Variants in TMCC1 observed in about 807,000 individuals in gnomAD.
The protein encoded by TMCC1 is transmembrane and coiled-coil domain family 1.
In TMCC1, 15 loss-of-function variants were observed where a neutral mutation model predicts 52.4. That is an observed-to-expected ratio of 0.29 (90% confidence interval 0.19 to 0.44). The LOEUF (loss-of-function observed/expected upper bound fraction) is 0.44. TMCC1 is among the 20% of genes least tolerant of loss of function. The pLI, the probability that TMCC1 is intolerant of heterozygous loss-of-function variation, is 1.00. For synonymous variants in TMCC1, 279 were observed against 301.9 expected (o/e 0.92, Z 0.79); for missense variants, 503 against 806.0 (o/e 0.62, Z 4.55).
intron 2 of TMCC1, among the ~76,000 whole-genome samples, chr3:129,844,979 C>A (rs978136179): frequency 6.6e-6 from 1 of 152,064 alleles, no homozygotes; most frequent in African/African-American, 2.4e-5. Flanking sequence ...TGAATCCTAG[C>A]CTATTAAGAA....
intron 4 of TMCC1, among the ~76,000 whole-genome samples, chr3:129,679,248 C>G (rs568785249): frequency 6.6e-6 from 1 of 152,310 alleles, no homozygotes; most frequent in Admixed American, 6.5e-5. Flanking sequence ...CCGTCACCTC[C>G]TTTAAGTCTT....
intron 4 of TMCC1, among the ~76,000 whole-genome samples, chr3:129,761,924 G>A (rs2053630541): frequency 6.7e-6 from 1 of 148,600 alleles, no homozygotes; most frequent in African/African-American, 2.5e-5. Flanking sequence ...CTGGGAGGCA[G>A]AGGTTGCAGT....
intron 4 of TMCC1, among the ~76,000 whole-genome samples, chr3:129,825,806 G>C (rs1421369989): frequency 6.6e-6 from 1 of 152,038 alleles, no homozygotes; most frequent in Non-Finnish European, 1.5e-5. Flanking sequence ...GCAGCCAAGG[G>C]GCATGAGAAA....
chr3:129,808,723 A>AT (rs2057612867), intron 4 of TMCC1, among the ~76,000 whole-genome samples: 1 of 151,196 alleles, frequency 6.6e-6, no homozygotes, highest in African/African-American at 2.4e-5. Flanking sequence ...TATAACTAAA[A>AT]TTTTAATAAG....
In TMCC1 at chr3:129,875,267, C is replaced by T. The variant is rs371062589; in HGVS notation, c.-184+5042G>A. 4.6e-5 allele frequency among the ~76,000 whole-genome samples: 7 copies of T among 151,670 alleles called. No individual in the cohort carries two copies. In the East Asian group the frequency reaches 1.4e-3, roughly 29 times the overall value. On this transcript the variant is annotated intron_variant, in intron 2 of 6. Coordinates refer to ENST00000393238, the MANE Select transcript of TMCC1 (RefSeq NM_001017395.5). Reference sequence around the variant, plus strand: ...ACTGTGGGAGGCTGAGGCAGGTGATCACCTAAGGTCAGGAGTTCGAAACCA... The same window carrying T: ...ACTGTGGGAGGCTGAGGCAGGTGATTACCTAAGGTCAGGAGTTCGAAACCA...
At chr3:129,883,298 C>T (rs1481264148) in intron 1 of TMCC1, among the ~76,000 whole-genome samples, 5 of 150,040 alleles carry the variant, frequency 3.3e-5, no homozygotes, top group Non-Finnish European at 5.9e-5. Context: ...GGTGACAGAG[C>T]GAGACAATCA....
In TMCC1 at chr3:129,651,938, G is replaced by T; in HGVS notation, c.1648-143C>A. The T allele has an allele frequency of 4.2e-6, 4 of 959,722 alleles. No individual in the cohort carries two copies. Among genetic ancestry groups the T allele is most frequent in the African/African-American group, 1.7e-5 (1 of 60,538 alleles). 59.5% of individuals were successfully genotyped at this position (959,722 alleles called of 1,614,324 possible). A position where few individuals can be genotyped will look rare whatever the true frequency, so the allele number is the denominator to read the frequency against. ...CTGGAGCCTTGAATGAATGTAAAAG[G>T]CTAGATGTATAACTCACTATTCAAG... On this transcript the variant is annotated intron_variant, in intron 6 of 6. Coordinates refer to ENST00000393238, the MANE Select transcript of TMCC1 (RefSeq NM_001017395.5). This position sits in a 1 kb window ranked among gnomAD's most constrained non-coding sequence, Gnocchi z 5.1.
At chr3:129,782,502 T>C (rs2055615903) in intron 4 of TMCC1, among the ~76,000 whole-genome samples, 1 of 152,186 alleles carries the variant, frequency 6.6e-6, no homozygotes, top group Admixed American at 6.5e-5. Context: ...CAAAAGTATA[T>C]TTGGGAGAGT....
At chr3:129,850,261 A>G (rs2059858386) in intron 2 of TMCC1, among the ~76,000 whole-genome samples, 1 of 152,218 alleles carries the variant, frequency 6.6e-6, no homozygotes, top group Non-Finnish European at 1.5e-5. Context: ...CAGCTGGGTC[A>G]ATAAAAATTA....
At position 129,863,480 on chromosome 3, in the gene TMCC1, T is replaced by TAG. The variant is rs1577131587; in HGVS notation, c.-184+16828_-184+16829insCT. Among the ~76,000 whole-genome samples, 3 of 152,138 alleles carry TAG rather than the reference T, an allele frequency of 2.0e-5. No individual in the cohort carries two copies. In the East Asian group the frequency reaches 5.8e-4, roughly 29 times the overall value. On this transcript the variant is annotated intron_variant, in intron 2 of 6. Transcript: ENST00000393238. ...GCCTCACAGAGATTGAATCCTGAGA[T>TAG]TCTACTGAGAAGGTGAAAAGAAAAA... is the stretch of plus-strand genomic sequence containing the variant.
intron 4 of TMCC1, among the ~76,000 whole-genome samples, chr3:129,697,041 G>C (rs958869990): frequency 3.3e-5 from 5 of 152,212 alleles, no homozygotes; most frequent in African/African-American, 1.2e-4. Context: ...CTGGGGTCTG[G>C]AGAATGGTGG....
chr3:129,745,671 T>G lies in TMCC1; in HGVS notation c.577-74407A>C, dbSNP rs1410411905. Among the ~76,000 whole-genome samples, 3 of 151,908 alleles carry G rather than the reference T, an allele frequency of 2.0e-5. No homozygotes were observed. The East Asian group carries it at 5.9e-4, about 30-fold the overall frequency. On this transcript the variant is annotated intron_variant, in intron 4 of 6. Transcript: ENST00000393238. ...TGAATCTTTTCTCATTTTAAAAAAGTAAGATGGGACCAGGCATGGTGGCTC... is the reference window on the plus strand; with the variant it reads ...TGAATCTTTTCTCATTTTAAAAAAGGAAGATGGGACCAGGCATGGTGGCTC...
At chr3:129,863,404 A>T (rs551536924) in intron 2 of TMCC1, among the ~76,000 whole-genome samples, 3 of 152,350 alleles carry the variant, frequency 2.0e-5, no homozygotes, top group Admixed American at 2.0e-4. Context: ...TACCTCAAAA[A>T]TCAAGAAGAA....
At chr3:129,735,698 G>A (rs371985454) in intron 4 of TMCC1, among the ~76,000 whole-genome samples, 2 of 150,192 alleles carry the variant, frequency 1.3e-5, no homozygotes, top group East Asian at 2.0e-4. Flanking sequence ...GATTTAATAC[G>A]TTTCAAAAGT....
chr3:129,719,607 C>G (rs1057486328), intron 4 of TMCC1, among the ~76,000 whole-genome samples: 2 of 152,144 alleles, frequency 1.3e-5, no homozygotes, highest in Non-Finnish European at 2.9e-5. Flanking sequence ...TCCAGGTAGA[C>G]AGAGTCAGAA....
At chr3:129,807,843 G>A (rs969576409) in intron 4 of TMCC1, among the ~76,000 whole-genome samples, 3 of 152,132 alleles carry the variant, frequency 2.0e-5, no homozygotes, top group Non-Finnish European at 4.4e-5. Flanking sequence ...AAGGCTCATA[G>A]AGTGTACATT....
intron 4 of TMCC1, among the ~76,000 whole-genome samples, chr3:129,760,454 C>CTGTG (rs61394124): frequency 0.056 from 7,154 of 128,878 alleles, 498 homozygotes; most frequent in South Asian, 0.085. Context: ...CAGTCTCGCT[C>CTGTG]TGTGTGTGTG....
chr3:129,782,894 A>C (rs906606400), intron 4 of TMCC1, among the ~76,000 whole-genome samples: 1 of 152,240 alleles, frequency 6.6e-6, no homozygotes, highest in Non-Finnish European at 1.5e-5. Context: ...CTTTAATGGC[A>C]GAAGATGAAA....
At chr3:129,756,116 GA>G (rs981964423) in intron 4 of TMCC1, among the ~76,000 whole-genome samples, 3 of 117,986 alleles carry the variant, frequency 2.5e-5, no homozygotes, top group Non-Finnish European at 5.6e-5. Flanking sequence ...AAAAAAAAAA[GA>G]AAAAAAAAGA....
Sources: allele counts gnomAD v4.1 joint callset (sites outside exome capture counted in the v4.1 genomes callset), GRCh38; gene constraint gnomAD v4.1.1; non-coding constraint Gnocchi (gnomAD v3.1); transcripts MANE v1.5; gene names NCBI Gene and HGNC (gene_info 2026-07-23, HGNC 2026-07-21).